The following RBM19 variants were observed in gnomAD, a reference collection of about 807,000 sequenced individuals.
RBM19 encodes probable RNA-binding protein 19.
In RBM19, 94 loss-of-function variants were observed where a neutral mutation model predicts 116.8. The ratio of observed to expected loss-of-function variants is 0.80; its 90% CI spans 0.68 to 0.95. The LOEUF (loss-of-function observed/expected upper bound fraction) is 0.95. Among genes scored for constraint, RBM19 ranks in the 40% least tolerant of loss-of-function variants. The pLI is 0.00. For missense variants in RBM19, 1,161 were observed against 1,220.7 expected, an observed-to-expected ratio of 0.95 and a Z score of 0.73; for synonymous variants, 475 against 494.1, an observed-to-expected ratio of 0.96 and a Z score of 0.51.
At chr12:113,942,289 G>A (rs954467967) in intron 14 of RBM19, 35 bp downstream of exon 14, 8 of 1,576,864 alleles carry the variant, frequency 5.1e-6, no homozygotes, top group Non-Finnish European at 6.9e-6. Context: ...CTCTCCAGTG[G>A]CTGCTGGCTG....
At chr12:113,892,452 A>G (rs1377935094) in intron 21 of RBM19, among the ~76,000 whole-genome samples, 1 of 152,178 alleles carries the variant, frequency 6.6e-6, no homozygotes, top group Non-Finnish European at 1.5e-5. Flanking sequence ...AACTCTCAGG[A>G]ATGAGATTCG....
intron 23 of RBM19, among the ~76,000 whole-genome samples, chr12:113,829,534 T>C (rs1875181553): frequency 6.6e-6 from 1 of 152,198 alleles, no homozygotes; most frequent in Admixed American, 6.5e-5. Context: ...ACCCAGCATA[T>C]TCTATGTGCC....
intron 21 of RBM19, among the ~76,000 whole-genome samples, chr12:113,872,562 A>T (rs1415516811): frequency 5.4e-5 from 4 of 74,696 alleles, no homozygotes. Flanking sequence ...CCCGTCCGGG[A>T]GGGAGGTGGG....
chr12:113,913,947 G>A (rs1368104418), intron 21 of RBM19, among the ~76,000 whole-genome samples: 1 of 152,186 alleles, frequency 6.6e-6, no homozygotes, highest in African/African-American at 2.4e-5. Flanking sequence ...CTATTACCCT[G>A]CCCATGCCTT....
At chr12:113,826,176 T>A (rs1309337155) in intron 23 of RBM19, among the ~76,000 whole-genome samples, 1 of 152,184 alleles carries the variant, frequency 6.6e-6, no homozygotes, top group Middle Eastern at 3.2e-3. Context: ...AAATTCCAAG[T>A]CCTCCAGAGT....
intron 23 of RBM19, among the ~76,000 whole-genome samples, chr12:113,829,449 C>T (rs1413965966): frequency 6.6e-6 from 1 of 152,228 alleles, no homozygotes. Flanking sequence ...ACCTGTTAAA[C>T]GGGGACGGTG....
chr12:113,950,524 A>C (rs942979402), intron 8 of RBM19, among the ~76,000 whole-genome samples: 1 of 152,116 alleles, frequency 6.6e-6, no homozygotes, highest in African/African-American at 2.4e-5. Context: ...TAGGCGCTGG[A>C]AGCACCTTCT....
intron 22 of RBM19, among the ~76,000 whole-genome samples, chr12:113,846,937 T>A (rs1035641902): frequency 3.9e-5 from 6 of 152,178 alleles, no homozygotes; most frequent in Admixed American, 1.3e-4. Context: ...GGTCTTGAAC[T>A]CCTGAACTCT....
intron 21 of RBM19, among the ~76,000 whole-genome samples, chr12:113,860,278 G>A (rs899627144): frequency 3.9e-5 from 6 of 152,182 alleles, no homozygotes; most frequent in Non-Finnish European, 8.8e-5. Flanking sequence ...GACAAGGTGA[G>A]GTTGGAGAGC....
At chr12:113,875,409 G>T (rs919624428) in intron 21 of RBM19, among the ~76,000 whole-genome samples, 2 of 152,198 alleles carry the variant, frequency 1.3e-5, no homozygotes, top group African/African-American at 4.8e-5. Flanking sequence ...ATTGGATGGT[G>T]AGTCAGAAGC....
intron 23 of RBM19, among the ~76,000 whole-genome samples, chr12:113,830,782 C>A (rs1008271504): frequency 6.6e-6 from 1 of 152,154 alleles, no homozygotes; most frequent in Non-Finnish European, 1.5e-5. Flanking sequence ...TGGAGGAATC[C>A]CCCAAGTCTT....
chr12:113,863,941 C>T (rs190350305), intron 21 of RBM19, among the ~76,000 whole-genome samples: 7 of 152,306 alleles, frequency 4.6e-5, no homozygotes, highest in Admixed American at 6.5e-5. Context: ...ACTTCCTCAG[C>T]GCTTACGTGC....
Position 113,840,148 on chromosome 12 carries a change from C to T in RBM19, c.2785+4520G>A, listed in dbSNP as rs75872320. Among the ~76,000 whole-genome samples the T allele has an allele frequency of 1.7e-4, 26 of 152,336 alleles. No individual in the cohort carries two copies. The East Asian group carries it at 4.6e-3, about 27-fold the overall frequency. ...TTCTTAGTTAAAAAACAATCCCCATCTTACATCTTGCTGTATTCTACAGAG... is the reference window on the plus strand; with the variant it reads ...TTCTTAGTTAAAAAACAATCCCCATTTTACATCTTGCTGTATTCTACAGAG... On this transcript the variant is annotated intron_variant, in intron 23 of 23. Coordinates refer to ENST00000261741, the MANE Select transcript of RBM19 (RefSeq NM_016196.4).
intron 1 of RBM19, among the ~76,000 whole-genome samples, chr12:113,962,996 A>T (rs999330071): frequency 6.6e-6 from 1 of 152,194 alleles, no homozygotes; most frequent in African/African-American, 2.4e-5. Flanking sequence ...AGATGGAAAC[A>T]GAAAGATTGG....
In RBM19 at chr12:113,829,799, G is replaced by A. The variant is rs374907069; in HGVS notation, c.2786-6478C>T. Among the ~76,000 whole-genome samples, 7 of 152,326 alleles carry A rather than the reference G, an allele frequency of 4.6e-5. No homozygotes were observed. The East Asian group carries it at 1.2e-3, about 25-fold the overall frequency. ...AGCCCAGGGCCCGGCCCGTTGAGGT[G>A]CCAGGCAAACATGAAAGCTAACAAT... is the stretch of plus-strand genomic sequence containing the variant. On this transcript the variant is annotated intron_variant, in intron 23 of 23. Transcript: ENST00000261741.
At chr12:113,917,980 A>G (rs1462284088) in intron 20 of RBM19, among the ~76,000 whole-genome samples, 1 of 152,232 alleles carries the variant, frequency 6.6e-6, no homozygotes, top group African/African-American at 2.4e-5. Flanking sequence ...TTCAGCTCTA[A>G]GAAAGCACGT....
intron 8 of RBM19, among the ~76,000 whole-genome samples, chr12:113,951,293 C>G (rs1871441848): frequency 6.6e-6 from 1 of 152,276 alleles, no homozygotes; most frequent in Middle Eastern, 3.4e-3. Context: ...CTCTCCAACT[C>G]TGGGGCCTCC....
chr12:113,926,471 C>T (rs1030794858), intron 17 of RBM19, among the ~76,000 whole-genome samples: 2 of 152,072 alleles, frequency 1.3e-5, no homozygotes, highest in Non-Finnish European at 2.9e-5. Context: ...CCTTGCAGAC[C>T]CCACTCCTTT....
At chr12:113,955,994 G>A (rs1871905794) in intron 6 of RBM19, among the ~76,000 whole-genome samples, 1 of 152,150 alleles carries the variant, frequency 6.6e-6, no homozygotes, top group African/African-American at 2.4e-5. Context: ...GTCAGAAACC[G>A]GAGGCAGGGA....
Sources: gnomAD v4.1 joint callset for allele counts (sites outside exome capture counted in the v4.1 genomes callset) on GRCh38, gnomAD v4.1.1 for gene constraint, MANE v1.5 for transcripts, NCBI Gene and HGNC (gene_info 2026-07-23, HGNC 2026-07-21) for gene names.